The following MYO18A variants were observed in gnomAD, a reference collection of about 807,000 sequenced individuals.
MYO18A encodes the protein unconventional myosin-XVIIIa.
Under a neutral mutation model 235.8 loss-of-function variants are expected in MYO18A, and 78 were observed. That is an observed-to-expected ratio of 0.33 (90% confidence interval 0.28 to 0.40). The LOEUF (loss-of-function observed/expected upper bound fraction) is 0.40. Among genes scored for constraint, MYO18A ranks in the 10% least tolerant of loss-of-function variants. The pLI, the probability that MYO18A is intolerant of heterozygous loss-of-function variation, is 1.00. For missense variants in MYO18A, 2,215 were observed against 2,699.3 expected, an observed-to-expected ratio of 0.82 and a Z score of 3.98; for synonymous variants, 977 against 1,077.8, an observed-to-expected ratio of 0.91 and a Z score of 1.83.
chr17:29,169,943 G>A (rs183539902), intron 1 of MYO18A, among the ~76,000 whole-genome samples: 1 of 152,314 alleles, frequency 6.6e-6, no homozygotes, highest in Non-Finnish European at 1.5e-5. Context: ...GCAAAAGCTT[G>A]TTCCTCACTG....
chr17:29,179,379 T>C (rs1442543820), intron 1 of MYO18A, among the ~76,000 whole-genome samples: 1 of 143,110 alleles, frequency 7.0e-6, no homozygotes, highest in Non-Finnish European at 1.5e-5. Context: ...AAAGCCCCAA[T>C]GCCTGGCCTG....
chr17:29,075,280 A>T (rs1892834142), intron 41 of MYO18A: 2 of 218,762 alleles, frequency 9.1e-6, no homozygotes, highest in Non-Finnish European at 1.0e-5. Flanking sequence ...TGAAGCAGGC[A>T]GTCCGTGAAC....
chr17:29,107,210 C>T (rs1426290523), intron 19 of MYO18A, 21 bp from the exon 20 acceptor site: 2 of 1,612,170 alleles, frequency 1.2e-6, no homozygotes, highest in African/African-American at 2.7e-5. Flanking sequence ...CAGCCCAGAG[C>T]CAGGCCTGTC....
intron 10 of MYO18A, among the ~76,000 whole-genome samples, chr17:29,116,960 C>T (rs1245970542): frequency 1.3e-5 from 2 of 151,956 alleles, no homozygotes; most frequent in Non-Finnish European, 2.9e-5. Flanking sequence ...CTTCTCTAAC[C>T]TAGAGCCTGG....
At position 29,158,190 on chromosome 17, in the gene MYO18A, C is replaced by T. The variant is rs960867468; in HGVS notation, c.999+7752G>A. Among the ~76,000 whole-genome samples, 2 of 152,136 alleles carry T rather than the reference C, an allele frequency of 1.3e-5. No homozygotes were observed. The highest frequency in any genetic ancestry group is 2.9e-5 in the Non-Finnish European group (2 of 68,020). The stretch of plus-strand genomic sequence containing the variant: ...GCCACAGATAACACCCGGCGAACAC[C>T]CGGCAAACACCGACATCCTGCCCTG... On this transcript the variant is annotated intron_variant, in intron 2 of 41. Transcript: ENST00000527372. This position sits in a 1 kb window ranked among gnomAD's most constrained non-coding sequence, Gnocchi z 4.3.
chr17:29,080,814 G>A (rs2066102515), intron 41 of MYO18A: 2 of 985,374 alleles, frequency 2.0e-6, no homozygotes, highest in Non-Finnish European at 2.4e-6. Flanking sequence ...GCTCCTCCCT[G>A]GGGCCCACAT....
intron 34 of MYO18A, chr17:29,091,861 C>A: frequency 3.1e-6 from 1 of 326,726 alleles, no homozygotes; most frequent in Non-Finnish European, 6.1e-6. Context: ...AATTCTCTGC[C>A]GATGGATGGG....
intron 20 of MYO18A, 56 bp from the exon 21 acceptor site, chr17:29,103,720 G>A (rs2066713019): frequency 1.9e-6 from 3 of 1,575,016 alleles, no homozygotes; most frequent in Non-Finnish European, 1.7e-6. Flanking sequence ...CACCATGCAG[G>A]GCTTTCTCCA....
chr17:29,103,769 G>C (rs1159506536), intron 20 of MYO18A, 105 bp from the exon 21 acceptor site: 1 of 1,090,420 alleles, frequency 9.2e-7, no homozygotes, highest in Admixed American at 1.9e-5. Context: ...TAGACAGTCT[G>C]TTATTCATGC....
At chr17:29,157,158 C>G (rs548418000) in intron 2 of MYO18A, among the ~76,000 whole-genome samples, 1 of 152,354 alleles carries the variant, frequency 6.6e-6, no homozygotes, top group African/African-American at 2.4e-5. Flanking sequence ...GCCCTCCACT[C>G]CTGGGGACCA....
Position 29,111,990 on chromosome 17 carries a change from G to A in MYO18A, c.2599-127C>T, listed in dbSNP as rs914451196. The A allele has an allele frequency of 1.2e-5, 14 of 1,206,486 alleles. No homozygotes were observed. Among genetic ancestry groups the A allele is most frequent in the South Asian group, 7.7e-5 (5 of 65,052 alleles). 74.7% of individuals were successfully genotyped at this position (1,206,486 alleles called of 1,614,324 possible). ...GCACACATGCACACACGCACATGCCGCAGCTCCTGCCGCTCACTGCTGACA... is the reference window on the plus strand; with the variant it reads ...GCACACATGCACACACGCACATGCCACAGCTCCTGCCGCTCACTGCTGACA... On this transcript the variant is annotated intron_variant, in intron 15 of 41. Transcript: ENST00000527372. The surrounding 1 kb of genome is among the most constrained non-coding windows in gnomAD (Gnocchi z 5.1).
chr17:29,086,513 A>T lies in MYO18A; in HGVS notation c.5777T>A (p.Phe1926Tyr). The T allele has an allele frequency of 6.2e-7, 1 of 1,612,804 alleles. No individual in the cohort carries two copies. Among genetic ancestry groups the T allele is most frequent in the Non-Finnish European group, 8.5e-7 (1 of 1,179,444 alleles). ...QSLQADLKLAFKRIGDLQAAI... is the reference protein window; with the variant it reads ...QSLQADLKLAYKRIGDLQAAI... ...AGCCTGCAGGTCCCCGATGCGCTTG[A>T]ATGCCAACTTTAGGTCAGCCTGCAG... Residue 1926 changes from phenylalanine to tyrosine, a missense_variant, in exon 39 of 42, where the codon TTC (phenylalanine) becomes TAC (tyrosine). Transcript: ENST00000527372.
In MYO18A at chr17:29,109,574, G is replaced by A. The variant is rs1425372698; in HGVS notation, c.3331+284C>T. The stretch of plus-strand genomic sequence containing the variant: ...CAAACTAGGGACGTGGGAAGAAAGG[G>A]AGCTGTGGACAAATGACAAGGTGCA... On this transcript the variant is annotated intron_variant, in intron 19 of 41. Coordinates refer to ENST00000527372, the MANE Select transcript of MYO18A (RefSeq NM_078471.4). The surrounding 1 kb of genome is among the most constrained non-coding windows in gnomAD (Gnocchi z 4.1). Among the ~76,000 whole-genome samples, 2 of 152,216 alleles carry A rather than the reference G, an allele frequency of 1.3e-5. No homozygotes were observed. The highest frequency in any genetic ancestry group is 2.4e-5 in the African/African-American group (1 of 41,456).
intron 15 of MYO18A, 24 bp downstream of exon 15, chr17:29,113,987 C>T (rs930434335): frequency 1.9e-6 from 3 of 1,563,896 alleles, no homozygotes; most frequent in Non-Finnish European, 2.6e-6. Context: ...AAAGGCTTGC[C>T]CAAACCCTCT....
At chr17:29,115,286 G>A (rs2067030724) in intron 13 of MYO18A, 65 bp downstream of exon 13, 1 of 1,566,048 alleles carries the variant, frequency 6.4e-7, no homozygotes, top group Non-Finnish European at 8.8e-7. Flanking sequence ...GGCCAACAAG[G>A]CATGAAGGCA....
chr17:29,084,520 T>C (rs1410183717), intron 40 of MYO18A, among the ~76,000 whole-genome samples: 3 of 152,070 alleles, frequency 2.0e-5, no homozygotes, highest in African/African-American at 7.2e-5. Context: ...TTTTAAATGG[T>C]TGGAATTAAA....
chr17:29,082,177 A>G, intron 41 of MYO18A, 139 bp downstream of exon 41: 1 of 1,136,528 alleles, frequency 8.8e-7, no homozygotes, highest in Non-Finnish European at 1.3e-6. Flanking sequence ...GCCCATGCAC[A>G]TGCCAGAAGC....
intron 2 of MYO18A, among the ~76,000 whole-genome samples, chr17:29,144,321 T>C (rs1275734104): frequency 6.6e-6 from 1 of 152,242 alleles, no homozygotes; most frequent in Non-Finnish European, 1.5e-5. Flanking sequence ...CCAGCCAGCC[T>C]GGCTCTCCGT....
intron 2 of MYO18A, among the ~76,000 whole-genome samples, chr17:29,154,637 C>A: frequency 6.6e-6 from 1 of 152,204 alleles, no homozygotes; most frequent in Admixed American, 6.5e-5. Context: ...GGGACTCGAC[C>A]CAGCCTGTGC....
Sources: allele counts gnomAD v4.1 joint callset (sites outside exome capture counted in the v4.1 genomes callset), GRCh38; gene constraint gnomAD v4.1.1; non-coding constraint Gnocchi (gnomAD v3.1); transcripts MANE v1.5; gene names NCBI Gene and HGNC (gene_info 2026-07-23, HGNC 2026-07-21).